SGSM3: variants seen among roughly 807,000 people sequenced by gnomAD.
SGSM3 encodes the protein small G protein signaling modulator 3.
In SGSM3, 96 loss-of-function variants were observed where a neutral mutation model predicts 100.5. The observed-to-expected ratio is 0.96, with a 90% confidence interval of 0.81 to 1.13. The LOEUF (loss-of-function observed/expected upper bound fraction) is 1.13, where lower values mean the gene tolerates loss of function less well. SGSM3 is among the 50% of genes most tolerant of loss of function. The pLI, the probability that SGSM3 is intolerant of heterozygous loss-of-function variation, is 0.00. For missense variants in SGSM3, 1,001 were observed against 1,015.8 expected (o/e 0.99, Z 0.20); for synonymous variants, 483 against 422.8 (o/e 1.14, Z -1.75).
intron 1 of SGSM3, among the ~76,000 whole-genome samples, chr22:40,386,589 T>TTTTTAAA (rs2048494152): frequency 6.9e-6 from 1 of 144,282 alleles, no homozygotes; most frequent in Non-Finnish European, 1.5e-5. Flanking sequence ...TTTTTTTTTT[T>TTTTTAAA]AATAAAAAGA....
chr22:40,402,790 G>T (rs2050931930), intron 4 of SGSM3, among the ~76,000 whole-genome samples: 2 of 152,172 alleles, frequency 1.3e-5, no homozygotes, highest in South Asian at 4.1e-4. Flanking sequence ...CTTTTATAGT[G>T]AATATACAGT....
intron 1 of SGSM3, among the ~76,000 whole-genome samples, chr22:40,389,371 G>A (rs1316137945): frequency 1.3e-5 from 2 of 151,772 alleles, no homozygotes; most frequent in Admixed American, 6.6e-5. Context: ...AGGCCGAGGC[G>A]GGCGGATCAC....
chr22:40,383,979 T>C (rs2048010554), intron 1 of SGSM3, among the ~76,000 whole-genome samples: 1 of 152,224 alleles, frequency 6.6e-6, no homozygotes, highest in Admixed American at 6.5e-5. Flanking sequence ...CCAGGCATCA[T>C]GGCTCATGCC....
intron 4 of SGSM3, among the ~76,000 whole-genome samples, chr22:40,402,488 C>T (rs1372072077): frequency 6.6e-6 from 1 of 152,146 alleles, no homozygotes; most frequent in Non-Finnish European, 1.5e-5. Flanking sequence ...GCCTGTAATC[C>T]CAGCACTTTG....
At chr22:40,370,877 G>A (rs1004977444) in intron 1 of SGSM3, among the ~76,000 whole-genome samples, 189 bp downstream of exon 1, 3 of 152,196 alleles carry the variant, frequency 2.0e-5, no homozygotes, top group East Asian at 1.9e-4. Flanking sequence ...CGTTGGAATG[G>A]GGGCCGGGGA....
rs1008183277 is a variant in SGSM3 at position 40,405,833 on chromosome 22, A to G, written c.803A>G (p.Glu268Gly). 1.9e-6 allele frequency: 3 copies of G among 1,610,402 alleles called. No individual in the cohort carries two copies. The highest frequency in any genetic ancestry group is 8.5e-7 in the Non-Finnish European group (1 of 1,177,770). Residue 268 changes from glutamate (E) to glycine (G), a missense_variant, in exon 8 of 22, where the codon GAG becomes GGG. Physicochemically the swap from Glu to Gly is moderately conservative, Grantham distance 98. Transcript: ENST00000248929. Reference protein sequence around the residue: ...YLPRLDKLLQEHDIELSLITL... With the variant: ...YLPRLDKLLQGHDIELSLITL... ...CCTCGCCTGGACAAGCTGCTCCAGG[A>G]GCATGACATTGGTAAGGCGCCCCTG...
intron 1 of SGSM3, among the ~76,000 whole-genome samples, chr22:40,387,683 C>G (rs1365912255): frequency 6.6e-6 from 1 of 152,136 alleles, no homozygotes; most frequent in Non-Finnish European, 1.5e-5. Context: ...GGTTATCCCC[C>G]ACCCCTGGTA....
At chr22:40,388,696 C>A (rs115273907) in intron 1 of SGSM3, among the ~76,000 whole-genome samples, 2,163 of 152,148 alleles carry the variant, frequency 0.014, 42 homozygotes, top group African/African-American at 0.048. Flanking sequence ...GTATAATAAT[C>A]ATGATGGTGA....
At chr22:40,403,055 C>T (rs1302014833) in intron 4 of SGSM3, among the ~76,000 whole-genome samples, 3 of 152,218 alleles carry the variant, frequency 2.0e-5, no homozygotes, top group Non-Finnish European at 4.4e-5. Context: ...GAGAAGGACA[C>T]AGGGAACTTG....
At chr22:40,373,238 T>C (rs890048777) in intron 1 of SGSM3, 10 of 152,218 alleles carry the variant, frequency 6.6e-5, no homozygotes, top group African/African-American at 1.9e-4. Flanking sequence ...TGTACTACCT[T>C]ATCAACAACT....
chr22:40,406,284 A>G, intron 9 of SGSM3, 61 bp downstream of exon 9: 1 of 1,601,230 alleles, frequency 6.2e-7, no homozygotes, highest in Non-Finnish European at 8.5e-7. Flanking sequence ...GCAGGGGAGC[A>G]AGAGACCTCC....
chr22:40,376,669 C>T (rs1342454209), intron 1 of SGSM3, among the ~76,000 whole-genome samples: 1 of 152,166 alleles, frequency 6.6e-6, no homozygotes, highest in Admixed American at 6.6e-5. Flanking sequence ...TGCCCATTTA[C>T]AGGTGAGACA....
At chr22:40,379,041 A>G (rs190148857) in intron 1 of SGSM3, among the ~76,000 whole-genome samples, 1 of 152,286 alleles carries the variant, frequency 6.6e-6, no homozygotes, top group East Asian at 1.9e-4. Context: ...TTAGAATAGC[A>G]GCTCCTGAAA....
In SGSM3 at chr22:40,409,797, A is replaced by T. The variant is rs1371545295; in HGVS notation, c.*38A>T. 4 of 1,589,186 alleles carry T rather than the reference A, an allele frequency of 2.5e-6. No individual in the cohort carries two copies. Among genetic ancestry groups the T allele is most frequent in the African/African-American group, 2.7e-5 (2 of 74,552 alleles). ...CAGCCCAACCTCGGGCCTGCGTCTG[A>T]GGTGGCCCAGGACCCCAAGCTGCAG... On this transcript the variant is annotated 3_prime_UTR_variant, in exon 22 of 22. Coordinates refer to ENST00000248929, the MANE Select transcript of SGSM3 (RefSeq NM_015705.6).
chr22:40,375,829 G>A (rs1358053855), intron 1 of SGSM3, among the ~76,000 whole-genome samples: 1 of 152,010 alleles, frequency 6.6e-6, no homozygotes, highest in Non-Finnish European at 1.5e-5. Flanking sequence ...CTGAAGCCCA[G>A]GAGGTCAAGA....
intron 1 of SGSM3, chr22:40,373,025 T>C (rs117688975): frequency 2.0e-5 from 3 of 152,320 alleles, no homozygotes; most frequent in East Asian, 3.9e-4. Context: ...CCATCACATA[T>C]TATACACAGA....
intron 1 of SGSM3, among the ~76,000 whole-genome samples, chr22:40,373,176 A>G (rs901160315): frequency 3.3e-5 from 5 of 152,212 alleles, no homozygotes; most frequent in Non-Finnish European, 5.9e-5. Context: ...TGTAAGTGAC[A>G]GGGCCAGAAT....
intron 1 of SGSM3, among the ~76,000 whole-genome samples, chr22:40,398,825 C>T (rs1569188092): frequency 1.4e-5 from 2 of 140,814 alleles, no homozygotes; most frequent in Non-Finnish European, 3.1e-5. Context: ...CATCAGCTCA[C>T]GTAATCCTCA....
At chr22:40,406,292 T>G (rs1334455614) in intron 9 of SGSM3, 69 bp downstream of exon 9, 1 of 1,592,254 alleles carries the variant, frequency 6.3e-7, no homozygotes, top group East Asian at 2.3e-5. Flanking sequence ...GCAAGAGACC[T>G]CCCTGGGCCA....
Sources: gnomAD v4.1 joint callset for allele counts (sites outside exome capture counted in the v4.1 genomes callset) on GRCh38, gnomAD v4.1.1 for gene constraint, MANE v1.5 for transcripts, NCBI Gene and HGNC (gene_info 2026-07-23, HGNC 2026-07-21) for gene names.